CAMK1D: variants seen among roughly 807,000 people sequenced by gnomAD.
CAMK1D encodes the protein calcium/calmodulin-dependent protein kinase type 1D.
In CAMK1D, 9 loss-of-function variants were observed where a neutral mutation model predicts 47.7. The ratio of observed to expected loss-of-function variants is 0.19; its 90% CI spans 0.11 to 0.33. CAMK1D has a LOEUF of 0.33. CAMK1D is among the 10% of genes least tolerant of loss of function. The pLI, the probability that CAMK1D is intolerant of heterozygous loss-of-function variation, is 1.00. For missense variants in CAMK1D, 291 were observed against 488.7 expected, an observed-to-expected ratio of 0.60 and a Z score of 3.81; for synonymous variants, 184 against 184.9, an observed-to-expected ratio of 0.99 and a Z score of 0.04.
intron 1 of CAMK1D, among the ~76,000 whole-genome samples, chr10:12,389,626 G>A (rs374100466): frequency 6.6e-5 from 10 of 152,088 alleles, no homozygotes; most frequent in African/African-American, 7.2e-5. Flanking sequence ...CTGGAGGGCC[G>A]GTTTTAGTAA....
rs1833174601 is a variant in CAMK1D at position 12,825,604 on chromosome 10, A to G, written c.953A>G (p.His318Arg). The G allele has an allele frequency of 1.9e-6, 3 of 1,612,502 alleles. No individual in the cohort carries two copies. Among genetic ancestry groups the G allele is most frequent in the Non-Finnish European group, 2.5e-6 (3 of 1,179,660 alleles). Residue 318 changes from histidine to arginine, a missense_variant, in exon 10 of 11, where the codon CAT (histidine) becomes CGT (arginine). Physicochemically the swap from His to Arg is conservative, Grantham distance 29. Coordinates refer to ENST00000619168, the MANE Select transcript of CAMK1D (RefSeq NM_153498.4). ...TTTAATGCCACGGCCGTCGTCAGAC[A>G]TATGAGAAAACTACACCTCGGCAGC... ...QAFNATAVVR[H>R]MRKLHLGSSL... is the part of the protein sequence containing the mutation.
chr10:12,808,626 A>T (rs1832468209), intron 6 of CAMK1D, among the ~76,000 whole-genome samples: 1 of 151,782 alleles, frequency 6.6e-6, no homozygotes, highest in Non-Finnish European at 1.5e-5. Context: ...AAAAATACAA[A>T]AAATGCCGGG....
chr10:12,825,844 T>A lies in CAMK1D; in HGVS notation c.1039+154T>A. ...TGCGACCCTAGGACTTTTTTTAACA[T>A]GTAATCACTGGGCTGGGTGCAGTGG... On this transcript the variant is annotated intron_variant, in intron 10 of 10. Coordinates refer to ENST00000619168, the MANE Select transcript of CAMK1D (RefSeq NM_153498.4). The A allele has an allele frequency of 1.6e-6, 2 of 1,284,138 alleles. 1 individual carries two copies. The highest frequency in any genetic ancestry group is 2.9e-5 in the South Asian group (2 of 68,582). The allele number at this position is 1,284,138 out of a possible 1,614,324, so 79.5% of individuals were successfully genotyped here.
In CAMK1D at chr10:12,554,892, A is replaced by G. The variant is rs371699164; in HGVS notation, c.224+1536A>G. 7.9e-5 allele frequency among the ~76,000 whole-genome samples: 12 copies of G among 152,084 alleles called. No homozygotes were observed. The East Asian group carries it at 9.6e-4, about 12-fold the overall frequency. ...GGATCCATCCCAGCGATGTTCTTTC[A>G]TAAGTGTGGTGTCCACACCGTTCCC... On this transcript the variant is annotated intron_variant, in intron 2 of 10. Transcript: ENST00000619168.
Position 12,769,799 on chromosome 10 carries a change from G to A in CAMK1D, c.565G>A (p.Ala189Thr), listed in dbSNP as rs1350669979. ...TGCCTGTGGAACTCCAGGCTATGTCGGTAAGGACAGTGCATGTGCACACAT... is the reference window on the plus strand; with the variant it reads ...TGCCTGTGGAACTCCAGGCTATGTCAGTAAGGACAGTGCATGTGCACACAT... Reference protein sequence around the residue: ...STACGTPGYVAPEVLAQKPYS... With the variant: ...STACGTPGYVTPEVLAQKPYS... The change falls in exon 5 of 11, where the codon GCT becomes ACT. Residue 189 changes from alanine (A) to threonine (T), a missense_variant and splice_region_variant. Around this residue, in one of 2 missense-constraint regions of CAMK1D, gnomAD observed 219 missense variants for 424.3 expected, o/e 0.52. Transcript: ENST00000619168. The A allele has an allele frequency of 1.2e-6, 2 of 1,613,954 alleles. No homozygotes were observed. The highest frequency in any genetic ancestry group is 8.5e-7 in the Non-Finnish European group (1 of 1,179,936).
At chr10:12,461,785 C>G (rs1833433421) in intron 1 of CAMK1D, among the ~76,000 whole-genome samples, 1 of 151,706 alleles carries the variant, frequency 6.6e-6, no homozygotes, top group Non-Finnish European at 1.5e-5. Flanking sequence ...AGGTGTTCTT[C>G]TATGATGGTA....
chr10:12,816,426 C>T, intron 8 of CAMK1D, 98 bp downstream of exon 8: 1 of 944,370 alleles, frequency 1.1e-6, no homozygotes, highest in Non-Finnish European at 1.6e-6. Flanking sequence ...GAAATCCACA[C>T]AGGATTATTA....
intron 1 of CAMK1D, among the ~76,000 whole-genome samples, chr10:12,352,466 G>A (rs1484934978): frequency 6.6e-6 from 1 of 151,732 alleles, no homozygotes; most frequent in Admixed American, 6.6e-5. Flanking sequence ...AAAATTAGCC[G>A]GGTGTGGTGG....
chr10:12,805,382 TTTTTTA>T (rs920078290), intron 6 of CAMK1D, among the ~76,000 whole-genome samples: 2 of 149,062 alleles, frequency 1.3e-5, no homozygotes, highest in African/African-American at 2.5e-5. Context: ...TTTTTTTTTT[TTTTTTA>T]AACACAGAGT....
chr10:12,801,354 T>TATCTATCTATCTATCTTATCTATCTATC (rs57429397), intron 6 of CAMK1D, among the ~76,000 whole-genome samples: 13 of 66,552 alleles, frequency 2.0e-4, no homozygotes, highest in Admixed American at 6.7e-4. Flanking sequence ...TCTATCTATC[T>TATCTATCTATCTATCTTATCTATCTATC]TATCTATCTA....
chr10:12,530,957 T>C (rs1308516027), intron 1 of CAMK1D, among the ~76,000 whole-genome samples: 2 of 151,700 alleles, frequency 1.3e-5, no homozygotes, highest in Non-Finnish European at 2.9e-5. Context: ...CTCAGGAGGC[T>C]GAGGCAGGAG....
At chr10:12,563,067 TGAGA>T (rs1836993920) in intron 2 of CAMK1D, among the ~76,000 whole-genome samples, 1 of 152,220 alleles carries the variant, frequency 6.6e-6, no homozygotes, top group African/African-American at 2.4e-5. Flanking sequence ...TTCTGGAGGC[TGAGA>T]AGCTCCACAA....
At chr10:12,413,919 G>A (rs1044810818) in intron 1 of CAMK1D, among the ~76,000 whole-genome samples, 1 of 152,174 alleles carries the variant, frequency 6.6e-6, no homozygotes, top group African/African-American at 2.4e-5. Flanking sequence ...GTATTAAATG[G>A]AAGGGCTTAT....
rs1343454258 is a variant in CAMK1D at position 12,786,653 on chromosome 10, G to A, written c.566-4505G>A. 2.0e-5 allele frequency among the ~76,000 whole-genome samples: 3 copies of A among 152,322 alleles called. No individual in the cohort carries two copies. In the East Asian group the frequency reaches 5.8e-4, roughly 29 times the overall value. ...AGCTCACTGCAGCTTCCAACTCTGGGCTCAAGTGATCCTCCTGTCTTAGCC... is the reference window on the plus strand; with the variant it reads ...AGCTCACTGCAGCTTCCAACTCTGGACTCAAGTGATCCTCCTGTCTTAGCC... On this transcript the variant is annotated intron_variant, in intron 5 of 10. Coordinates refer to ENST00000619168, the MANE Select transcript of CAMK1D (RefSeq NM_153498.4).
At chr10:12,517,348 A>G (rs1835243075) in intron 1 of CAMK1D, among the ~76,000 whole-genome samples, 1 of 152,202 alleles carries the variant, frequency 6.6e-6, no homozygotes, top group Admixed American at 6.5e-5. Context: ...ATCCTTTTCA[A>G]TCTGTATGCC....
intron 2 of CAMK1D, among the ~76,000 whole-genome samples, chr10:12,563,582 A>G (rs1210432045): frequency 6.6e-6 from 1 of 152,072 alleles, no homozygotes; most frequent in Non-Finnish European, 1.5e-5. Flanking sequence ...TCAAGTTGAC[A>G]CATAAAATTA....
intron 1 of CAMK1D, among the ~76,000 whole-genome samples, chr10:12,425,042 A>C (rs1403286020): frequency 2.0e-5 from 3 of 152,068 alleles, no homozygotes; most frequent in African/African-American, 7.2e-5. Flanking sequence ...TTGATGTGCC[A>C]CCCGAGTCAC....
At chr10:12,745,888 G>T (rs1230048802) in intron 3 of CAMK1D, among the ~76,000 whole-genome samples, 1 of 152,164 alleles carries the variant, frequency 6.6e-6, no homozygotes, top group Non-Finnish European at 1.5e-5. Context: ...ACAGGCATGA[G>T]CTACTTTGCC....
At chr10:12,515,888 G>A (rs191927578) in intron 1 of CAMK1D, among the ~76,000 whole-genome samples, 2 of 152,066 alleles carry the variant, frequency 1.3e-5, no homozygotes, top group African/African-American at 4.8e-5. Flanking sequence ...TGGGATTACA[G>A]GCGTGAGCCA....
Sources: gnomAD v4.1 joint callset for allele counts (sites outside exome capture counted in the v4.1 genomes callset) on GRCh38, gnomAD v4.1.1 for gene constraint, gnomAD v4.1.1 regional missense constraint, MANE v1.5 for transcripts, NCBI Gene and HGNC (gene_info 2026-07-23, HGNC 2026-07-21) for gene names.